Variants in KIF18A observed in about 807,000 individuals in gnomAD.
KIF18A encodes kinesin family member 18A, also known as kinesin-like protein KIF18A.
KIF18A carries 67 observed loss-of-function variants against 103.3 expected under a neutral mutation model. The ratio of observed to expected loss-of-function variants is 0.65; its 90% CI spans 0.53 to 0.79. KIF18A has a LOEUF of 0.79. Among genes scored for constraint, KIF18A ranks in the 30% least tolerant of loss-of-function variants. The pLI is 0.00. For missense variants in KIF18A, 1,032 were observed against 1,062.5 expected (o/e 0.97, Z 0.40); for synonymous variants, 367 against 355.5 (o/e 1.03, Z -0.36).
rs553492338 is a variant in KIF18A, at chr11:28,093,379, A to G, written c.483+1264T>C. Among the ~76,000 whole-genome samples the G allele has an allele frequency of 1.2e-3, 184 of 152,322 alleles. 1 individual carries two copies. The highest frequency in any genetic ancestry group is 3.4e-3 in the Middle Eastern group (1 of 294). On this transcript the variant is annotated intron_variant, in intron 3 of 16. Transcript: ENST00000263181. ...TAATCAATCTTTGGAAGAAATTCTC[A>G]GTAGGGACCAAACTACAAGATGTTA... is the stretch of plus-strand genomic sequence containing the variant.
Position 28,084,680 on chromosome 11 carries a change from T to C in KIF18A, c.1026A>G (p.Thr342=). The change falls in exon 7 of 17, where the codon ACA becomes ACG. Residue 342 remains threonine (T), a synonymous_variant. Transcript: ENST00000263181. The stretch of plus-strand genomic sequence containing the variant: ...GGTTAGCATACTTAAGAGTGTTATA[T>C]GTGTCATCGTAGAATACAGAGGAAG... ...VSPSSVFYDD[T]YNTLKYANRA... is the part of the protein sequence containing the mutation. The C allele has an allele frequency of 6.2e-7, 1 of 1,613,032 alleles. No homozygotes were observed. The highest frequency in any genetic ancestry group is 8.5e-7 in the Non-Finnish European group (1 of 1,179,086).
chr11:28,105,498 TACC>T (rs773932390), intron 1 of KIF18A, among the ~76,000 whole-genome samples: 2 of 152,176 alleles, frequency 1.3e-5, no homozygotes, highest in Non-Finnish European at 2.9e-5. Context: ...ATGGAATGAT[TACC>T]ACAATTAAAT....
intron 13 of KIF18A, among the ~76,000 whole-genome samples, chr11:28,045,274 C>A (rs1850616521): frequency 6.6e-6 from 1 of 151,892 alleles, no homozygotes; most frequent in Non-Finnish European, 1.5e-5. Context: ...CTACTTAAGT[C>A]TACCTATAAG....
chr11:28,087,222 C>T (rs772097146), intron 6 of KIF18A, among the ~76,000 whole-genome samples: 5 of 152,118 alleles, frequency 3.3e-5, no homozygotes, highest in African/African-American at 4.8e-5. Context: ...TGCTATCCCT[C>T]CCCTAGCCCC....
intron 13 of KIF18A, among the ~76,000 whole-genome samples, chr11:28,037,103 T>G (rs183735164): frequency 7.1e-4 from 107 of 151,694 alleles, no homozygotes; most frequent in Non-Finnish European, 6.8e-4. Context: ...TTTGCCTTGT[T>G]TTTTAGATTT....
chr11:28,075,617 T>C (rs1413289999), intron 10 of KIF18A, among the ~76,000 whole-genome samples: 1 of 152,184 alleles, frequency 6.6e-6, no homozygotes, highest in Non-Finnish European at 1.5e-5. Context: ...TTATATTTTC[T>C]ATTAGATTGC....
At chr11:28,092,128 T>G (rs1053353915) in intron 3 of KIF18A, among the ~76,000 whole-genome samples, 3 of 152,168 alleles carry the variant, frequency 2.0e-5, no homozygotes, top group Non-Finnish European at 4.4e-5. Context: ...TTTCTTATTT[T>G]CAGGAAATGT....
Position 28,062,408 on chromosome 11 carries a change from T to C in KIF18A, c.1699A>G (p.Arg567Gly). Residue 567 changes from arginine (R) to glycine (G), a missense_variant, in exon 12 of 17, where the codon AGG becomes GGG. Coordinates refer to ENST00000263181, the MANE Select transcript of KIF18A (RefSeq NM_031217.4). Reference sequence around the variant, plus strand: ...GTATGTACTCACGCTTCAGTCTGCCTGTGTTGCTGTTCCTGAAGACAAGCT... The same window carrying C: ...GTATGTACTCACGCTTCAGTCTGCCCGTGTTGCTGTTCCTGAAGACAAGCT... ...DLACLQEQQH[R>G]QTEAVLNALL... is the part of the protein sequence containing the mutation. The C allele has an allele frequency of 3.7e-6, 6 of 1,608,784 alleles. No individual in the cohort carries two copies. The highest frequency in any genetic ancestry group is 2.2e-5 in the East Asian group (1 of 44,606).
chr11:28,083,879 A>C (rs527345718), intron 7 of KIF18A, among the ~76,000 whole-genome samples: 1 of 152,078 alleles, frequency 6.6e-6, no homozygotes, highest in East Asian at 1.9e-4. Flanking sequence ...GCCTGGGAAC[A>C]TTTTTCTTAA....
chr11:28,059,632 A>C (rs1194576459), intron 12 of KIF18A, among the ~76,000 whole-genome samples: 3 of 151,870 alleles, frequency 2.0e-5, no homozygotes, highest in Non-Finnish European at 4.4e-5. Context: ...GGGTCTTGCT[A>C]TGTTGTCCAG....
rs576702313 is a variant in KIF18A, at chr11:28,041,747, A to T, written c.1949-5083T>A. On this transcript the variant is annotated intron_variant, in intron 13 of 16. Transcript: ENST00000263181. Reference sequence around the variant, plus strand: ...AGCAAGAAATGACAGCTTGGGTAAGAGTGGTAGGAGCAGTGATGGAGAGAT... The same window carrying T: ...AGCAAGAAATGACAGCTTGGGTAAGTGTGGTAGGAGCAGTGATGGAGAGAT... 3.9e-5 allele frequency among the ~76,000 whole-genome samples: 6 copies of T among 151,986 alleles called. No individual in the cohort carries two copies. The South Asian group carries it at 1.2e-3, about 32-fold the overall frequency.
rs1458667552 is a variant in KIF18A, at chr11:28,029,156, G to A, written c.2505-5306C>T. On this transcript the variant is annotated intron_variant, in intron 15 of 16. Coordinates refer to ENST00000263181, the MANE Select transcript of KIF18A (RefSeq NM_031217.4). ...ACTATTTCAATCTATAGAAAAAGAG[G>A]GAATCCTCCCTAACTCATTTTATGA... is the stretch of plus-strand genomic sequence containing the variant. Among the ~76,000 whole-genome samples, 7 of 152,080 alleles carry A rather than the reference G, an allele frequency of 4.6e-5. No homozygotes were observed. In the East Asian group the frequency reaches 1.2e-3, roughly 25 times the overall value.
chr11:28,025,151 G>A (rs1316520758), intron 15 of KIF18A, among the ~76,000 whole-genome samples: 4 of 152,020 alleles, frequency 2.6e-5, no homozygotes, highest in African/African-American at 9.6e-5. Flanking sequence ...ACCACAGAAA[G>A]CAAAACTTGA....
intron 6 of KIF18A, among the ~76,000 whole-genome samples, chr11:28,086,303 G>A (rs988685233): frequency 1.3e-5 from 2 of 151,870 alleles, no homozygotes; most frequent in African/African-American, 4.8e-5. Flanking sequence ...ATCTAATATC[G>A]ATATGAAATA....
rs139972326 is a variant in KIF18A, at chr11:28,021,252, G to A, written c.2645C>T (p.Pro882Leu). ...EHKRNICKIN[P>L]SMVRKFGRNI... ...TCTTCCAAATTTTCTAACCATGCTTGGATTTATTTTACAGATGTTTCTTTT... is the reference window on the plus strand; with the variant it reads ...TCTTCCAAATTTTCTAACCATGCTTAGATTTATTTTACAGATGTTTCTTTT... The change falls in exon 17 of 17, where the codon CCA becomes CTA. Residue 882 changes from proline (P) to leucine (L), a missense_variant. Physicochemically the swap from Pro to Leu is moderately conservative, Grantham distance 98 (BLOSUM62 -3). Coordinates refer to ENST00000263181, the MANE Select transcript of KIF18A (RefSeq NM_031217.4). The A allele has an allele frequency of 5.0e-4, 748 of 1,488,032 alleles. 3 individuals are homozygous for A. In the African/African-American group the frequency reaches 9.4e-3, roughly 19 times the overall value. 92.2% of individuals were successfully genotyped at this position (1,488,032 alleles called of 1,614,324 possible).
At chr11:28,057,621 A>G (rs1232147985) in intron 13 of KIF18A, among the ~76,000 whole-genome samples, 1 of 152,162 alleles carries the variant, frequency 6.6e-6, no homozygotes. Context: ...TCTCATGGGT[A>G]CTAAGTACAG....
At chr11:28,105,168 A>G (rs535512627) in intron 1 of KIF18A, among the ~76,000 whole-genome samples, 1 of 152,336 alleles carries the variant, frequency 6.6e-6, no homozygotes, top group East Asian at 1.9e-4. Context: ...CTAAATCGTC[A>G]TAACAACCTA....
intron 13 of KIF18A, among the ~76,000 whole-genome samples, chr11:28,048,338 C>T (rs1469278027): frequency 6.6e-6 from 1 of 152,012 alleles, no homozygotes. Flanking sequence ...TGGGGTGTCG[C>T]TTGTAATAAT....
Position 28,036,478 on chromosome 11 carries a change from T to C in KIF18A, c.2135A>G (p.Lys712Arg). The C allele has an allele frequency of 6.2e-7, 1 of 1,611,260 alleles. No homozygotes were observed. Among genetic ancestry groups the C allele is most frequent in the Non-Finnish European group, 8.5e-7 (1 of 1,178,192 alleles). ...TACTGTAGACGGATTTTGAAAAGCT[T>C]TTCTACAGTCTTCTGGTGTATATAC... ...PIVYTPEDCR[K>R]AFQNPSTVTL... The change falls in exon 14 of 17, where the codon AAA (lysine) becomes AGA (arginine). Residue 712 changes from lysine to arginine, a missense_variant. Lys to Arg is a conservative substitution (Grantham distance 26). Coordinates refer to ENST00000263181, the MANE Select transcript of KIF18A (RefSeq NM_031217.4).
Sources: gnomAD v4.1 joint callset for allele counts (sites outside exome capture counted in the v4.1 genomes callset) on GRCh38, gnomAD v4.1.1 for gene constraint, MANE v1.5 for transcripts, NCBI Gene and HGNC (gene_info 2026-07-23, HGNC 2026-07-21) for gene names.